LTBP3: variants seen among roughly 807,000 people sequenced by gnomAD.
The protein encoded by LTBP3 is latent-transforming growth factor beta-binding protein 3.
A neutral mutation model predicts 159.7 loss-of-function variants in LTBP3; 97 were observed. That is an observed-to-expected ratio of 0.61 (90% CI 0.52 to 0.72). LTBP3 has a LOEUF of 0.72. Ranked by LOEUF, LTBP3 falls within the 30% of genes least tolerant of loss-of-function variation. LTBP3 has a pLI of 0.00. For missense variants in LTBP3, 1,584 were observed against 1,864.3 expected (o/e 0.85, Z 2.77); for synonymous variants, 824 against 777.1 (o/e 1.06, Z -1.00).
At chr11:65,556,522 C>A (rs1416187079) in intron 1 of LTBP3, among the ~76,000 whole-genome samples, 1 of 152,126 alleles carries the variant, frequency 6.6e-6, no homozygotes, top group Non-Finnish European at 1.5e-5. Flanking sequence ...GAGCAAAACT[C>A]CATCTCAAAA....
At position 65,552,523 on chromosome 11, in the gene LTBP3, T is replaced by C; in HGVS notation, c.1187-117A>G. 1 of 1,306,006 alleles carries C rather than the reference T, an allele frequency of 7.7e-7. No homozygotes were observed. 80.9% of individuals were successfully genotyped at this position (1,306,006 alleles called of 1,614,324 possible). A position where few individuals can be genotyped will look rare whatever the true frequency, so the allele number is the denominator to read the frequency against. On this transcript the variant is annotated intron_variant, in intron 6 of 27. Transcript: ENST00000301873. This position sits in a 1 kb window ranked among gnomAD's most constrained non-coding sequence, Gnocchi z 6.0. ...AGACAACCCTTGATCCCCCATGTGG[T>C]CTCTGACCCCATATGACCCTGAACT...
intron 16 of LTBP3, chr11:65,544,120 C>T (rs1184716669): frequency 1.2e-5 from 2 of 172,124 alleles, no homozygotes; most frequent in South Asian, 1.3e-4. Flanking sequence ...CGAACATCCG[C>T]GTGGACAACC....
Position 65,539,731 on chromosome 11 carries a change from G to T in LTBP3, c.3536C>A (p.Pro1179Gln), listed in dbSNP as rs1855981980. 6.5e-7 allele frequency: 1 copy of T among 1,547,268 alleles called. No individual in the cohort carries two copies. Among genetic ancestry groups the T allele is most frequent in the African/African-American group, 1.4e-5 (1 of 73,662 alleles). The change falls in exon 25 of 28, where the codon CCG becomes CAG. Residue 1179 changes from proline to glutamine, a missense_variant. By Grantham distance (76) the Pro-to-Gln change is moderately conservative. Coordinates refer to ENST00000301873, the MANE Select transcript of LTBP3 (RefSeq NM_001130144.3). ...GWGAQCRPCP[P>Q]RGAGSHCPTS... ...CCCGACTGCCTTACCCGCGCCGCGC[G>T]GCGGGCACGGTCGGCATTGGGCGCC...
chr11:65,547,913 C>G lies in LTBP3; in HGVS notation c.1846+7G>C. 1 of 1,613,674 alleles carries G rather than the reference C, an allele frequency of 6.2e-7. No homozygotes were observed. The highest frequency in any genetic ancestry group is 1.1e-5 in the South Asian group (1 of 91,080). ...ACCTGCATGCCCGCCGCCTGCCCTG[C>G]GCTCACCCACGCAGTAGCGGTGCTG... On this transcript the variant is annotated splice_region_variant and intron_variant, in intron 12 of 27. Transcript: ENST00000301873. This position sits in a 1 kb window ranked among gnomAD's most constrained non-coding sequence, Gnocchi z 4.6.
Position 65,538,907 on chromosome 11 carries a change from G to T in LTBP3, c.*173C>A. ...CCCGCCGGAGACCTTACAACCGCCC[G>T]CTAACCGGGGAGGGGGGCCGGTAGG... On this transcript the variant is annotated 3_prime_UTR_variant, in exon 28 of 28. Coordinates refer to ENST00000301873, the MANE Select transcript of LTBP3 (RefSeq NM_001130144.3). 1 of 1,242,108 alleles carries T rather than the reference G, an allele frequency of 8.1e-7. No individual in the cohort carries two copies. The highest frequency in any genetic ancestry group is 1.0e-6 in the Non-Finnish European group (1 of 967,388). 76.9% of individuals were successfully genotyped at this position (1,242,108 alleles called of 1,614,324 possible).
chr11:65,539,186 T>A lies in LTBP3; in HGVS notation c.3806A>T (p.Lys1269Met). Residue 1269 changes from lysine to methionine, a missense_variant, in exon 28 of 28, where the codon AAG becomes ATG. Coordinates refer to ENST00000301873, the MANE Select transcript of LTBP3 (RefSeq NM_001130144.3). ...RELNQRGLLC[K>M]SERCVNTSGS... The stretch of plus-strand genomic sequence containing the variant: ...GCTGGTGTTCACGCAGCGCTCGCTC[T>A]TGCACAGCAGCCCGCGCTGGTTCAG... The A allele has an allele frequency of 6.6e-7, 1 of 1,521,044 alleles. No individual in the cohort carries two copies. The highest frequency in any genetic ancestry group is 8.8e-7 in the Non-Finnish European group (1 of 1,130,616). The allele number at this position is 1,521,044 out of a possible 1,614,324, so 94.2% of individuals were successfully genotyped here. A position where few individuals can be genotyped will look rare whatever the true frequency, so the allele number is the denominator to read the frequency against.
At chr11:65,555,806 A>G (rs1856788235) in intron 1 of LTBP3, among the ~76,000 whole-genome samples, 1 of 151,914 alleles carries the variant, frequency 6.6e-6, no homozygotes, top group South Asian at 2.1e-4. Context: ...CTCACTTCCC[A>G]GGGCAGGAGG....
In LTBP3 at chr11:65,551,228, C is replaced by T. The variant is rs936526420; in HGVS notation, c.1622-4G>A. ...GGCGAGGGACGGGAGATCAGCTCTG[C>T]GGGCGGCAGTGCACTCTGGTCAGAG... On this transcript the variant is annotated splice_polypyrimidine_tract_variant and splice_region_variant and intron_variant, in intron 10 of 27. Coordinates refer to ENST00000301873, the MANE Select transcript of LTBP3 (RefSeq NM_001130144.3). The T allele has an allele frequency of 1.8e-5, 28 of 1,545,358 alleles. No homozygotes were observed. In the African/African-American group the frequency reaches 3.3e-4, roughly 18 times the overall value.
chr11:65,539,667 C>T (rs1425796555), intron 25 of LTBP3, 39 bp from the exon 26 acceptor site: 17 of 1,585,680 alleles, frequency 1.1e-5, no homozygotes, highest in Non-Finnish European at 1.4e-5. Context: ...TCCGGGTCCC[C>T]GGGCCCTGGC....
chr11:65,538,816 G>A lies in LTBP3; in HGVS notation c.*264C>T, dbSNP rs796115050. On this transcript the variant is annotated 3_prime_UTR_variant, in exon 28 of 28. Transcript: ENST00000301873. ...ACATCAATTTGCTTCGAAAGCCAAG[G>A]GTAAAGAGGCACGATCTGATTTATC... The A allele has an allele frequency of 4.8e-6, 4 of 828,284 alleles. No homozygotes were observed. The African/African-American group carries it at 5.3e-5, about 11-fold the overall frequency. The allele number at this position is 828,284 out of a possible 1,614,324, so 51.3% of individuals were successfully genotyped here.
chr11:65,539,873 G>A lies in LTBP3; in HGVS notation c.3394C>T (p.Pro1132Ser), dbSNP rs922390571. 6.6e-7 allele frequency: 1 copy of A among 1,514,552 alleles called. No individual in the cohort carries two copies. Among genetic ancestry groups the A allele is most frequent in the Non-Finnish European group, 8.8e-7 (1 of 1,138,692 alleles). The allele number at this position is 1,514,552 out of a possible 1,614,324, so 93.8% of individuals were successfully genotyped here. A position where few individuals can be genotyped will look rare whatever the true frequency, so the allele number is the denominator to read the frequency against. The change falls in exon 25 of 28, where the codon CCG (proline) becomes TCG (serine). Residue 1132 changes from proline (P) to serine (S), a missense_variant. Physicochemically the swap from Pro to Ser is moderately conservative, Grantham distance 74. Around this residue, in one of 6 missense-constraint regions of LTBP3, gnomAD observed 514 missense variants for 530.3 expected, o/e 0.97. Coordinates refer to ENST00000301873, the MANE Select transcript of LTBP3 (RefSeq NM_001130144.3). ...QLPESPAERA[P>S]ERRDVCWSQR... Reference sequence around the variant, plus strand: ...CTCCAGCACACGTCGCGCCGCTCCGGGGCACGCTCTGCGGAAGACACCTGG... The same window carrying A: ...CTCCAGCACACGTCGCGCCGCTCCGAGGCACGCTCTGCGGAAGACACCTGG...
intron 11 of LTBP3, among the ~76,000 whole-genome samples, chr11:65,549,445 C>A (rs556636955): frequency 1.3e-5 from 2 of 152,158 alleles, no homozygotes; most frequent in South Asian, 4.2e-4. Context: ...TGGAGTCTCA[C>A]TCTGTCCCCA....
chr11:65,539,704 T>TC lies in LTBP3; in HGVS notation c.3547+15dup. The stretch of plus-strand genomic sequence containing the variant: ...CCCATCCTCGCTCCCGGCCAACTCC[T>TC]CCCCGACTGCCTTACCCGCGCCGCG... On this transcript the variant is annotated intron_variant, in intron 25 of 27. Coordinates refer to ENST00000301873, the MANE Select transcript of LTBP3 (RefSeq NM_001130144.3). The TC allele has an allele frequency of 6.4e-7, 1 of 1,561,054 alleles. No individual in the cohort carries two copies. Among genetic ancestry groups the TC allele is most frequent in the Non-Finnish European group, 8.6e-7 (1 of 1,160,652 alleles).
At chr11:65,541,018 G>A (rs770849639) in intron 20 of LTBP3, 64 bp from the exon 21 acceptor site, 61 of 1,582,820 alleles carry the variant, frequency 3.9e-5, no homozygotes, top group East Asian at 1.4e-4. Flanking sequence ...TGGGCTTAGG[G>A]CTGCAGCCCG....
Position 65,551,466 on chromosome 11 carries a change from A to T in LTBP3, c.1557T>A (p.Ser519Arg), listed in dbSNP as rs1178071086. 6.2e-7 allele frequency: 1 copy of T among 1,613,212 alleles called. No individual in the cohort carries two copies. Among genetic ancestry groups the T allele is most frequent in the Admixed American group, 1.7e-5 (1 of 59,934 alleles). ...ERGVTTDSPV[S>R]EERSVQQSHP... The stretch of plus-strand genomic sequence containing the variant: ...GGCTCTGCTGCACTGACCTCTCCTC[A>T]CTCACCGGCTGCGGGTGACAGCAGC... The change falls in exon 10 of 28, where the codon AGT becomes AGA. Residue 519 changes from serine (S) to arginine (R), a missense_variant. By Grantham distance (110) the Ser-to-Arg change is moderately radical. Transcript: ENST00000301873.
In LTBP3 at chr11:65,541,166, G is replaced by A. The variant is rs1288741527; in HGVS notation, c.2853C>T (p.Gly951=). The A allele has an allele frequency of 1.9e-6, 3 of 1,601,032 alleles. No homozygotes were observed. Among genetic ancestry groups the A allele is most frequent in the South Asian group, 1.1e-5 (1 of 89,414 alleles). ...ECCCSLGAGW[G]DHCEIYPCPV... ...GGCAGGGGTAGATTTCGCAGTGGTC[G>A]CCCCAGCCGGCCCCCAGAGAGCAGC... Residue 951 remains glycine, a synonymous_variant, in exon 20 of 28, where the codon GGC becomes GGT. Transcript: ENST00000301873.
At position 65,538,884 on chromosome 11, in the gene LTBP3, C is replaced by G. The variant is rs533821969; in HGVS notation, c.*196G>C. 361 of 1,051,442 alleles carry G rather than the reference C, an allele frequency of 3.4e-4. 3 individuals carry two copies. In the South Asian group the frequency reaches 7.3e-3, roughly 21 times the overall value. 65.1% of individuals were successfully genotyped at this position (1,051,442 alleles called of 1,614,324 possible). A position where few individuals can be genotyped will look rare whatever the true frequency, so the allele number is the denominator to read the frequency against. ...CTCTGGGAGGAAGGCAGGCAGCGCC[C>G]GCCGGAGACCTTACAACCGCCCGCT... On this transcript the variant is annotated 3_prime_UTR_variant, in exon 28 of 28. Transcript: ENST00000301873.
At chr11:65,548,505 C>T in intron 11 of LTBP3, 2 of 233,582 alleles carry the variant, frequency 8.6e-6, no homozygotes, top group South Asian at 1.3e-4. Flanking sequence ...CCCCCTATTC[C>T]AGAAGGGTTG....
At position 65,538,946 on chromosome 11, in the gene LTBP3, T is replaced by G. The variant is rs1855899667; in HGVS notation, c.*134A>C. On this transcript the variant is annotated 3_prime_UTR_variant, in exon 28 of 28. Coordinates refer to ENST00000301873, the MANE Select transcript of LTBP3 (RefSeq NM_001130144.3). Reference sequence around the variant, plus strand: ...GGGGCCGGTAGGGGCGCCTCGGGTCTCAAGGCGCCGGGAGGGTCTGCGGGC... The same window carrying G: ...GGGGCCGGTAGGGGCGCCTCGGGTCGCAAGGCGCCGGGAGGGTCTGCGGGC... 6.1e-6 allele frequency: 8 copies of G among 1,304,918 alleles called. No homozygotes were observed. Among genetic ancestry groups the G allele is most frequent in the Non-Finnish European group, 6.8e-6 (7 of 1,026,392 alleles). The allele number at this position is 1,304,918 out of a possible 1,614,324, so 80.8% of individuals were successfully genotyped here.
Sources: gnomAD v4.1 joint callset for allele counts (sites outside exome capture counted in the v4.1 genomes callset) on GRCh38, gnomAD v4.1.1 for gene constraint, gnomAD v4.1.1 regional missense constraint, Gnocchi (gnomAD v3.1) non-coding constraint, MANE v1.5 for transcripts, NCBI Gene and HGNC (gene_info 2026-07-23, HGNC 2026-07-21) for gene names.